The following LMF1 variants were observed in gnomAD, a reference collection of about 807,000 sequenced individuals.
The protein encoded by LMF1 is transmembrane protein 112.
In LMF1, 68 loss-of-function variants were observed where a neutral mutation model predicts 60.6. The observed-to-expected ratio is 1.12, with a 90% CI of 0.92 to 1.37. The LOEUF (loss-of-function observed/expected upper bound fraction) is 1.37, where lower values mean the gene tolerates loss of function less well. Among genes scored for constraint, LMF1 ranks in the 40% most tolerant of loss-of-function variants. The probability of loss-of-function intolerance (pLI) is 0.00; values close to 1 mark genes in which losing one functional copy is unlikely to be tolerated. For synonymous variants in LMF1, 418 were observed against 324.7 expected, an observed-to-expected ratio of 1.29 and a Z score of -3.09; for missense variants, 948 against 767.2, an observed-to-expected ratio of 1.24 and a Z score of -2.78.
At chr16:857,810 G>A (rs1271816645) in intron 10 of LMF1, among the ~76,000 whole-genome samples, 1 of 59,708 alleles carries the variant, frequency 1.7e-5, no homozygotes, top group Non-Finnish European at 2.9e-5. Flanking sequence ...GTGGTGTCTC[G>A]GGATGGGTGT....
At chr16:899,697 A>G (rs1179722965) in intron 4 of LMF1, 1 of 152,210 alleles carries the variant, frequency 6.6e-6, no homozygotes, top group Non-Finnish European at 1.5e-5. Flanking sequence ...AGCGCCGCCC[A>G]TGACCCACAC....
chr16:976,124 G>C (rs149618327), intron 1 of LMF1: 2 of 422,614 alleles, frequency 4.7e-6, no homozygotes, highest in Non-Finnish European at 9.2e-6. Flanking sequence ...CCTGCTGATG[G>C]GCTGAGAGAG....
intron 4 of LMF1, 181 bp from the exon 5 acceptor site, chr16:893,253 G>A: frequency 1.5e-6 from 1 of 686,994 alleles, no homozygotes; most frequent in Middle Eastern, 2.3e-4. Context: ...GAGAAGGGCA[G>A]ATTCAGGGCT....
chr16:957,840 C>T (rs2072739564), intron 1 of LMF1, among the ~76,000 whole-genome samples: 1 of 152,142 alleles, frequency 6.6e-6, no homozygotes, highest in Non-Finnish European at 1.5e-5. Flanking sequence ...AAGGCAACTA[C>T]ACAGACAAAG....
intron 1 of LMF1, chr16:978,988 T>C (rs2073257035): frequency 2.2e-6 from 1 of 454,008 alleles, no homozygotes; most frequent in Non-Finnish European, 4.4e-6. Flanking sequence ...CCATCCTTCC[T>C]GAAGTCCCCG....
intron 2 of LMF1, among the ~76,000 whole-genome samples, chr16:952,909 TCCTACACGTCCACACAGACACCCACC>T (rs2072521492): frequency 1.5e-5 from 2 of 129,822 alleles, no homozygotes; most frequent in Admixed American, 7.8e-5. Flanking sequence ...CAAACCAGCC[TCCTACACGTCCACACAGACACCCACC>T]CCAAACCAGC....
chr16:857,343 C>T (rs1404157432), intron 10 of LMF1, among the ~76,000 whole-genome samples: 1 of 152,274 alleles, frequency 6.6e-6, no homozygotes, highest in South Asian at 2.1e-4. Context: ...ACCCTCCCAG[C>T]AACAGCCGAG....
At chr16:922,991 G>A (rs1374557613) in intron 3 of LMF1, among the ~76,000 whole-genome samples, 1 of 122,634 alleles carries the variant, frequency 8.2e-6, no homozygotes, top group African/African-American at 3.6e-5. Context: ...GGGTTTTCGG[G>A]TGTGATGTGG....
At chr16:877,637 G>A (rs953671429) in intron 6 of LMF1, among the ~76,000 whole-genome samples, 15 of 152,196 alleles carry the variant, frequency 9.9e-5, no homozygotes, top group African/African-American at 3.4e-4. Flanking sequence ...AATAAAAGCA[G>A]CCACGAAAAC....
chr16:877,783 A>AG lies in LMF1; in HGVS notation c.897+1786dup, dbSNP rs2070035831. On this transcript the variant is annotated intron_variant, in intron 6 of 10. Coordinates refer to ENST00000262301, the MANE Select transcript of LMF1 (RefSeq NM_022773.4). Reference sequence around the variant, plus strand: ...TGGACGTAGAACCGGCAGAATCCCTAGATCACCCACAGGACGCGTCTCTGA... The same window carrying AG: ...TGGACGTAGAACCGGCAGAATCCCTAGGATCACCCACAGGACGCGTCTCTGA... Among the ~76,000 whole-genome samples, 13 of 151,720 alleles carry AG rather than the reference A, an allele frequency of 8.6e-5. No individual in the cohort carries two copies. The South Asian group carries it at 2.3e-3, about 27-fold the overall frequency.
intron 5 of LMF1, among the ~76,000 whole-genome samples, chr16:886,310 G>C (rs1208524073): frequency 4.6e-5 from 7 of 152,146 alleles, no homozygotes; most frequent in Admixed American, 4.6e-4. Context: ...CTGACCTTGA[G>C]GCGCCACCCC....
rs866746741 is a variant in LMF1, at chr16:915,865, G to A, written c.515-4786C>T. 3.9e-5 allele frequency among the ~76,000 whole-genome samples: 6 copies of A among 151,992 alleles called. No homozygotes were observed. In the South Asian group the frequency reaches 6.2e-4, roughly 16 times the overall value. On this transcript the variant is annotated intron_variant, in intron 3 of 10. Coordinates refer to ENST00000262301, the MANE Select transcript of LMF1 (RefSeq NM_022773.4). The stretch of plus-strand genomic sequence containing the variant: ...ATGCAGGGGCCGGAGCACGTGGGAC[G>A]CGGGGGCCGGAGCAGGTGAGACTTG...
intron 8 of LMF1, 56 bp downstream of exon 8, chr16:870,673 A>C: frequency 6.3e-7 from 1 of 1,594,600 alleles, no homozygotes; most frequent in Non-Finnish European, 8.6e-7. Flanking sequence ...GTGGCTGGTC[A>C]GGGCTGAGTC....
At chr16:931,614 TTC>T (rs1475265592) in intron 3 of LMF1, 2 of 1,283,706 alleles carry the variant, frequency 1.6e-6, no homozygotes, top group Non-Finnish European at 2.0e-6. Flanking sequence ...GGTCTAGGTG[TTC>T]TGAGGCCCAG....
At chr16:861,647 C>T (rs528852951) in intron 10 of LMF1, among the ~76,000 whole-genome samples, 6 of 152,216 alleles carry the variant, frequency 3.9e-5, no homozygotes, top group African/African-American at 1.2e-4. Context: ...TGAGCCGCTG[C>T]GCCCGGCCTC....
intron 10 of LMF1, chr16:855,988 A>C (rs1222980017): frequency 1.1e-5 from 5 of 455,760 alleles, no homozygotes; most frequent in Non-Finnish European, 2.2e-5. Flanking sequence ...TCTCTCCCCA[A>C]GTCTGAATTA....
chr16:906,763 T>C (rs2070982740), intron 4 of LMF1, among the ~76,000 whole-genome samples: 2 of 152,236 alleles, frequency 1.3e-5, no homozygotes, highest in African/African-American at 4.8e-5. Flanking sequence ...TTATTCTTCT[T>C]CAAAATTGTT....
At chr16:889,517 T>C (rs2070415291) in intron 5 of LMF1, among the ~76,000 whole-genome samples, 1 of 152,130 alleles carries the variant, frequency 6.6e-6, no homozygotes, top group African/African-American at 2.4e-5. Context: ...CATGGCTGCC[T>C]CTTGCTCTGT....
At chr16:970,597 G>A (rs2073021867) in intron 1 of LMF1, among the ~76,000 whole-genome samples, 191 bp downstream of exon 1, 4 of 152,282 alleles carry the variant, frequency 2.6e-5, no homozygotes, top group Middle Eastern at 3.4e-3. Context: ...ACAGGGGTAG[G>A]GCCGGGTGCG....
Sources: gnomAD v4.1 joint callset for allele counts (sites outside exome capture counted in the v4.1 genomes callset) on GRCh38, gnomAD v4.1.1 for gene constraint, MANE v1.5 for transcripts, NCBI Gene and HGNC (gene_info 2026-07-23, HGNC 2026-07-21) for gene names.